The following GDAP1 variants were observed in gnomAD, a reference collection of about 807,000 sequenced individuals.
The protein encoded by GDAP1 is ganglioside induced differentiation associated protein 1.
A neutral mutation model predicts 40.1 loss-of-function variants in GDAP1; 34 were observed. The observed-to-expected ratio is 0.85, with a 90% CI of 0.64 to 1.13. GDAP1 has a LOEUF of 1.13. Ranked by LOEUF, GDAP1 falls within the 50% of genes most tolerant of loss-of-function variation. GDAP1 has a pLI of 0.00. For synonymous variants in GDAP1, 170 were observed against 157.4 expected (o/e 1.08, Z -0.60); for missense variants, 374 against 433.7 (o/e 0.86, Z 1.22).
intron 2 of GDAP1, among the ~76,000 whole-genome samples, chr8:74,456,895 G>A (rs1296238442): frequency 6.6e-6 from 1 of 152,010 alleles, no homozygotes; most frequent in Non-Finnish European, 1.5e-5. Context: ...TGATCTGTAA[G>A]GAGAGGAGAA....
intron 2 of GDAP1, among the ~76,000 whole-genome samples, chr8:74,412,095 A>C (rs566975718): frequency 1.3e-5 from 2 of 149,986 alleles, no homozygotes; most frequent in Non-Finnish European, 2.9e-5. Flanking sequence ...GATGTCATTC[A>C]AGATTCCTAC....
intron 2 of GDAP1, among the ~76,000 whole-genome samples, chr8:74,487,317 A>G (rs1026795443): frequency 6.6e-5 from 10 of 152,154 alleles, no homozygotes; most frequent in Admixed American, 5.9e-4. Context: ...GAAATAGGAA[A>G]ACTAAGATAT....
intron 2 of GDAP1, among the ~76,000 whole-genome samples, chr8:74,409,497 A>G (rs1364379151): frequency 6.7e-6 from 1 of 149,598 alleles, no homozygotes; most frequent in Admixed American, 6.6e-5. Context: ...GATTACAGGC[A>G]TGCACCATTA....
In GDAP1 at chr8:74,388,608, C is replaced by T. The variant is rs796612081; in HGVS notation, c.165+37287C>T. The stretch of plus-strand genomic sequence containing the variant: ...AGTGTTTTACTTCCAATTATGTGGT[C>T]GATTTTATAATAAGGGCTATGTGAT... On this transcript the variant is annotated intron_variant, in intron 2 of 2. Coordinates refer to the GDAP1 transcript ENST00000523640. 1.5e-4 allele frequency among the ~76,000 whole-genome samples: 23 copies of T among 151,958 alleles called. 1 individual carries two copies. In the East Asian group the frequency reaches 3.1e-3, roughly 20 times the overall value.
At chr8:74,444,458 C>T (rs1489727949) in intron 2 of GDAP1, among the ~76,000 whole-genome samples, 4 of 152,108 alleles carry the variant, frequency 2.6e-5, no homozygotes, top group African/African-American at 9.7e-5. Context: ...AGTAAAAGTT[C>T]AGAAGTAGTT....
Position 74,399,206 on chromosome 8 carries a change from G to A in GDAP1, c.165+47885G>A, listed in dbSNP as rs1280636135. 8.5e-5 allele frequency among the ~76,000 whole-genome samples: 12 copies of A among 140,440 alleles called. 1 individual carries two copies. Among genetic ancestry groups the A allele is most frequent in the African/African-American group, 4.0e-4 (12 of 30,366 alleles). 92.1% of individuals were successfully genotyped at this position (140,440 alleles called of 152,430 possible). ...GACTCTTTTTGGTTGGTAAGCTATT[G>A]ATTATTCCCACAATTTCAGATCCTG... is the stretch of plus-strand genomic sequence containing the variant. On this transcript the variant is annotated intron_variant, in intron 2 of 2. Coordinates refer to the GDAP1 transcript ENST00000523640.
intron 2 of GDAP1, among the ~76,000 whole-genome samples, chr8:74,438,164 G>A (rs145743115): frequency 5.9e-4 from 90 of 152,254 alleles, no homozygotes; most frequent in African/African-American, 2.1e-3. Context: ...CAGCTGCTCG[G>A]GAGGCTGAGG....
chr8:74,377,418 A>G (rs1314600913), intron 2 of GDAP1, among the ~76,000 whole-genome samples: 1 of 152,230 alleles, frequency 6.6e-6, no homozygotes, highest in African/African-American at 2.4e-5. Flanking sequence ...ATATGTGAAT[A>G]GTCAGTAAGA....
At chr8:74,397,432 A>G (rs947912114) in intron 2 of GDAP1, among the ~76,000 whole-genome samples, 7 of 152,114 alleles carry the variant, frequency 4.6e-5, no homozygotes, top group Non-Finnish European at 1.0e-4. Flanking sequence ...GTCCTTGCCC[A>G]TGCCTATGTC....
At chr8:74,477,893 T>C (rs538659553) in intron 2 of GDAP1, among the ~76,000 whole-genome samples, 2 of 152,112 alleles carry the variant, frequency 1.3e-5, no homozygotes, top group Non-Finnish European at 2.9e-5. Context: ...AGCAGCATGG[T>C]TGGGGTGGTG....
At chr8:74,358,477 G>C (rs181737895) in intron 2 of GDAP1, among the ~76,000 whole-genome samples, 19 of 152,298 alleles carry the variant, frequency 1.2e-4, no homozygotes, top group African/African-American at 4.6e-4. Flanking sequence ...GGATACCAGA[G>C]AGCATTTGTT....
chr8:74,430,085 A>G (rs1806006923), intron 2 of GDAP1, among the ~76,000 whole-genome samples: 1 of 152,208 alleles, frequency 6.6e-6, no homozygotes, highest in Non-Finnish European at 1.5e-5. Flanking sequence ...ATATAAAAAG[A>G]TGCACAACTT....
intron 2 of GDAP1, among the ~76,000 whole-genome samples, chr8:74,382,791 A>G (rs946864747): frequency 6.6e-6 from 1 of 151,842 alleles, no homozygotes; most frequent in Non-Finnish European, 1.5e-5. Flanking sequence ...TTTTTCCCTG[A>G]GTATGTATCA....
intron 2 of GDAP1, among the ~76,000 whole-genome samples, chr8:74,379,145 T>TGATAGTGTA (rs59494742): frequency 0.99 from 151,100 of 152,066 alleles, 75,075 homozygotes; most frequent in East Asian, 1. Flanking sequence ...ACTTTCAGGG[T>TGATAGTGTA]CCGACTCAGG....
At position 74,377,520 on chromosome 8, in the gene GDAP1, A is replaced by G. The variant is rs1044984397; in HGVS notation, c.165+26199A>G. ...CAAATATGCCAATCATTATACTAAC[A>G]TAGAAACTATTAATATACAGTCTAA... is the stretch of plus-strand genomic sequence containing the variant. On this transcript the variant is annotated intron_variant, in intron 2 of 2. Transcript: ENST00000523640. Among the ~76,000 whole-genome samples, 5 of 152,246 alleles carry G rather than the reference A, an allele frequency of 3.3e-5. No individual in the cohort carries two copies. The East Asian group carries it at 9.6e-4, about 29-fold the overall frequency.
chr8:74,441,773 C>A (rs938623976), intron 2 of GDAP1, among the ~76,000 whole-genome samples: 1 of 152,096 alleles, frequency 6.6e-6, no homozygotes, highest in Non-Finnish European at 1.5e-5. Context: ...GTATCTCTAT[C>A]GGTAGGAAAT....
chr8:74,448,381 A>G (rs1047411735), intron 2 of GDAP1, among the ~76,000 whole-genome samples: 1 of 152,156 alleles, frequency 6.6e-6, no homozygotes, highest in Non-Finnish European at 1.5e-5. Context: ...ACAATTTGCT[A>G]TCTGGTCTCC....
At chr8:74,355,691 A>G (rs1400151433) in intron 2 of GDAP1, among the ~76,000 whole-genome samples, 1 of 152,204 alleles carries the variant, frequency 6.6e-6, no homozygotes, top group Non-Finnish European at 1.5e-5. Flanking sequence ...AATCAAAATT[A>G]TATGGAATAA....
intron 2 of GDAP1, among the ~76,000 whole-genome samples, chr8:74,397,840 C>G (rs1586821283): frequency 2.0e-5 from 3 of 151,712 alleles, no homozygotes; most frequent in Non-Finnish European, 4.4e-5. Context: ...GCGATGCGGG[C>G]TCTTTTTTGG....
Sources: allele counts gnomAD v4.1 joint callset (sites outside exome capture counted in the v4.1 genomes callset), GRCh38; gene constraint gnomAD v4.1.1; transcripts MANE v1.5; gene names NCBI Gene and HGNC (gene_info 2026-07-23, HGNC 2026-07-21).